Variants in CCNT2 observed in about 807,000 individuals in gnomAD.
CCNT2 encodes the protein cyclin-T2.
Under a neutral mutation model 70.0 loss-of-function variants are expected in CCNT2, and 18 were observed. That is an observed-to-expected ratio of 0.26 (90% confidence interval 0.18 to 0.38). The LOEUF (loss-of-function observed/expected upper bound fraction) is 0.38, where lower values mean the gene tolerates loss of function less well. CCNT2 is among the 10% of genes least tolerant of loss of function. The pLI, the probability that CCNT2 is intolerant of heterozygous loss-of-function variation, is 1.00. For synonymous variants in CCNT2, 334 were observed against 313.3 expected (o/e 1.07, Z -0.70); for missense variants, 734 against 890.2 (o/e 0.82, Z 2.23).
At position 134,957,788 on chromosome 2, in the gene CCNT2, T is replaced by TA. The variant is rs1683012183; in HGVS notation, c.*3143dup. On this transcript the variant is annotated 3_prime_UTR_variant, in exon 9 of 9. Coordinates refer to ENST00000264157, the MANE Select transcript of CCNT2 (RefSeq NM_058241.3). ...TCCGTGTGTTCAGATTCCTTCTGGT[T>TA]AAAGTTCTTATTCAGAGTCATCTAA... The TA allele has an allele frequency of 6.6e-6, 1 of 152,228 alleles. No homozygotes were observed. Among genetic ancestry groups the TA allele is most frequent in the Non-Finnish European group, 1.5e-5 (1 of 68,032 alleles). 9.4% of individuals were successfully genotyped at this position (152,228 alleles called of 1,614,324 possible). A position where few individuals can be genotyped will look rare whatever the true frequency, so the allele number is the denominator to read the frequency against.
chr2:134,948,788 C>T (rs1195862150), intron 7 of CCNT2, among the ~76,000 whole-genome samples: 1 of 150,046 alleles, frequency 6.7e-6, no homozygotes, highest in Non-Finnish European at 1.5e-5. Flanking sequence ...AATCTTGGCT[C>T]ACCGCAACCT....
rs933550892 is a variant in CCNT2, at chr2:134,954,848, A to G, written c.*200A>G. On this transcript the variant is annotated 3_prime_UTR_variant, in exon 9 of 9. Transcript: ENST00000264157. ...TATCTCCACATATGATAGTGTTATA[A>G]ATACTGTAAAAGCATGGAAGGTGCA... The G allele has an allele frequency of 1.9e-6, 1 of 532,590 alleles. No homozygotes were observed. Among genetic ancestry groups the G allele is most frequent in the Non-Finnish European group, 3.3e-6 (1 of 299,822 alleles). The allele number at this position is 532,590 out of a possible 1,614,324, so 33.0% of individuals were successfully genotyped here.
At chr2:134,937,278 G>A (rs4953938) in intron 3 of CCNT2, among the ~76,000 whole-genome samples, 91,315 of 152,038 alleles carry the variant, frequency 0.6, 29,463 homozygotes, top group Middle Eastern at 0.91. Flanking sequence ...TATCACCTCC[G>A]CTGGAAGCTG....
rs777048762 is a variant in CCNT2 at position 134,954,222 on chromosome 2, C to T, written c.1767C>T (p.His589=). The change falls in exon 9 of 9, where the codon CAC becomes CAT. Residue 589 remains histidine, a synonymous_variant. Coordinates refer to ENST00000264157, the MANE Select transcript of CCNT2 (RefSeq NM_058241.3). ...HSGSSSGGSK[H]SADGIPPTVL... is the part of the protein sequence containing the mutation. ...GCAGCAGCAGCGGTGGCAGTAAACACAGTGCCGACGGAATACCACCCACTG... is the reference window on the plus strand; with the variant it reads ...GCAGCAGCAGCGGTGGCAGTAAACATAGTGCCGACGGAATACCACCCACTG... 30 of 1,614,138 alleles carry T rather than the reference C, an allele frequency of 1.9e-5. No individual in the cohort carries two copies. The highest frequency in any genetic ancestry group is 2.5e-5 in the Non-Finnish European group (29 of 1,180,020).
rs546560644 is a variant in CCNT2 at position 134,956,019 on chromosome 2, G to T, written c.*1371G>T. On this transcript the variant is annotated 3_prime_UTR_variant, in exon 9 of 9. Transcript: ENST00000264157. ...CTGATCAAGCATTAGATTTTAACTT[G>T]TTTAGATTTTGTCTTAAACACCAGT... 30 of 152,656 alleles carry T rather than the reference G, an allele frequency of 2.0e-4. No homozygotes were observed. Among genetic ancestry groups the T allele is most frequent in the African/African-American group, 7.2e-4 (30 of 41,538 alleles). The allele number at this position is 152,656 out of a possible 1,614,324, so 9.5% of individuals were successfully genotyped here.
At position 134,954,884 on chromosome 2, in the gene CCNT2, T is replaced by C; in HGVS notation, c.*236T>C. On this transcript the variant is annotated 3_prime_UTR_variant, in exon 9 of 9. Transcript: ENST00000264157. ...AGCATGGAAGGTGCAAAACTCAGTA[T>C]TTCTACAATTGCAGCTAAGAACATT... is the stretch of plus-strand genomic sequence containing the variant. 2.4e-6 allele frequency: 1 copy of C among 424,274 alleles called. No individual in the cohort carries two copies. The highest frequency in any genetic ancestry group is 4.2e-6 in the Non-Finnish European group (1 of 237,558). The allele number at this position is 424,274 out of a possible 1,614,324, so 26.3% of individuals were successfully genotyped here. A position where few individuals can be genotyped will look rare whatever the true frequency, so the allele number is the denominator to read the frequency against.
chr2:134,947,508 T>C (rs1017948860), intron 6 of CCNT2, among the ~76,000 whole-genome samples: 1 of 152,168 alleles, frequency 6.6e-6, no homozygotes, highest in Non-Finnish European at 1.5e-5. Flanking sequence ...TAAATATTAA[T>C]ATATTAGTAA....
Position 134,922,568 on chromosome 2 carries a change from C to T in CCNT2, c.240+2677C>T, listed in dbSNP as rs769737946. ...TGTAGCCTAATTAGATAAATCTACA[C>T]TTTGTTCACTAGATGCAATGAGGTT... On this transcript the variant is annotated intron_variant, in intron 2 of 8. Coordinates refer to ENST00000264157, the MANE Select transcript of CCNT2 (RefSeq NM_058241.3). Among the ~76,000 whole-genome samples the T allele has an allele frequency of 2.0e-5, 3 of 152,122 alleles. No individual in the cohort carries two copies. In the South Asian group the frequency reaches 6.2e-4, roughly 32 times the overall value.
intron 2 of CCNT2, among the ~76,000 whole-genome samples, chr2:134,921,087 T>C (rs1161555026): frequency 6.6e-6 from 1 of 152,226 alleles, no homozygotes; most frequent in Non-Finnish European, 1.5e-5. Context: ...GATAGTGTTA[T>C]GGAAGAGAAA....
chr2:134,921,935 ATATTAT>A (rs1304025545), intron 2 of CCNT2, among the ~76,000 whole-genome samples: 1 of 152,164 alleles, frequency 6.6e-6, no homozygotes, highest in South Asian at 2.1e-4. Flanking sequence ...GTTTTGAGAA[ATATTAT>A]TATACCCTTC....
chr2:134,925,078 G>C (rs1001417960), intron 2 of CCNT2, among the ~76,000 whole-genome samples: 1 of 152,118 alleles, frequency 6.6e-6, no homozygotes. Context: ...CTTAGGCAAG[G>C]CTATAGATGG....
intron 3 of CCNT2, among the ~76,000 whole-genome samples, 164 bp downstream of exon 3, chr2:134,937,133 T>TA: frequency 6.6e-6 from 1 of 152,348 alleles, no homozygotes; most frequent in Non-Finnish European, 1.5e-5. Context: ...CAGAAAAACA[T>TA]ATAATGTATG....
chr2:134,945,277 C>T (rs1410823197), intron 5 of CCNT2: 8 of 985,076 alleles, frequency 8.1e-6, no homozygotes, highest in Non-Finnish European at 8.4e-6. Flanking sequence ...ATAAACTGAT[C>T]CTAGGTGAGC....
chr2:134,938,009 ATTAAT>A (rs1434682013), intron 3 of CCNT2, among the ~76,000 whole-genome samples: 4 of 152,226 alleles, frequency 2.6e-5, no homozygotes, highest in East Asian at 3.8e-4. Flanking sequence ...CAAAGTCCCG[ATTAAT>A]TTAAGCTTCA....
rs1389066686 is a variant in CCNT2 at position 134,918,848 on chromosome 2, A to G, written c.-7A>G. 1.9e-6 allele frequency: 3 copies of G among 1,609,632 alleles called. No homozygotes were observed. The highest frequency in any genetic ancestry group is 1.7e-6 in the Non-Finnish European group (2 of 1,177,386). ...TGAATGAAGGAGCGGGCGGAGGAGG[A>G]AGTGTCATGGCGTCGGGCCGTGGAG... is the stretch of plus-strand genomic sequence containing the variant. On this transcript the variant is annotated 5_prime_UTR_variant, in exon 1 of 9. Coordinates refer to ENST00000264157, the MANE Select transcript of CCNT2 (RefSeq NM_058241.3).
At chr2:134,925,859 C>CTT (rs3041372) in intron 2 of CCNT2, among the ~76,000 whole-genome samples, 953 of 85,168 alleles carry the variant, frequency 0.011, 2 homozygotes, top group Non-Finnish European at 0.013. Flanking sequence ...GGATAGCTGC[C>CTT]TTTTTTTTTT....
intron 4 of CCNT2, among the ~76,000 whole-genome samples, chr2:134,940,925 C>G (rs1681535373): frequency 6.6e-6 from 1 of 152,058 alleles, no homozygotes; most frequent in African/African-American, 2.4e-5. Flanking sequence ...ATAAATGAAT[C>G]CAGTGTAAGG....
intron 7 of CCNT2, among the ~76,000 whole-genome samples, chr2:134,950,909 G>A (rs946204184): frequency 3.9e-5 from 6 of 152,110 alleles, no homozygotes; most frequent in Non-Finnish European, 8.8e-5. Flanking sequence ...GAAAAACAAA[G>A]CTTACATTTT....
intron 2 of CCNT2, among the ~76,000 whole-genome samples, chr2:134,926,221 T>C (rs972737919): frequency 6.6e-6 from 1 of 152,172 alleles, no homozygotes; most frequent in Admixed American, 6.5e-5. Flanking sequence ...AACTGAATAC[T>C]CTTCGGTTAC....
Sources: allele counts gnomAD v4.1 joint callset (sites outside exome capture counted in the v4.1 genomes callset), GRCh38; gene constraint gnomAD v4.1.1; transcripts MANE v1.5; gene names NCBI Gene and HGNC (gene_info 2026-07-23, HGNC 2026-07-21).